The following JAK2 variants were observed in gnomAD, a reference collection of about 807,000 sequenced individuals.
The protein encoded by JAK2 is Janus kinase 2, also known as tyrosine-protein kinase JAK2.
Under a neutral mutation model 139.3 loss-of-function variants are expected in JAK2, and 86 were observed. The ratio of observed to expected loss-of-function variants is 0.62; its 90% CI spans 0.52 to 0.74. The LOEUF (loss-of-function observed/expected upper bound fraction) is 0.74. JAK2 is among the 30% of genes least tolerant of loss of function. The pLI is 0.00. For synonymous variants in JAK2, 490 were observed against 437.7 expected (o/e 1.12, Z -1.49); for missense variants, 1,421 against 1,360.3 (o/e 1.04, Z -0.70).
chr9:5,120,334 C>G (rs1389994416), intron 22 of JAK2, among the ~76,000 whole-genome samples: 1 of 152,204 alleles, frequency 6.6e-6, no homozygotes, highest in Admixed American at 6.5e-5. Flanking sequence ...ATTAACAACA[C>G]CTGAATTTTG....
intron 2 of JAK2, among the ~76,000 whole-genome samples, chr9:4,994,832 G>C (rs1820469495): frequency 6.6e-6 from 1 of 152,142 alleles, no homozygotes; most frequent in Non-Finnish European, 1.5e-5. Flanking sequence ...TCTGAGAGTT[G>C]TCTGTATTTG....
chr9:5,050,921 G>T, intron 6 of JAK2, 90 bp downstream of exon 6: 4 of 1,101,900 alleles, frequency 3.6e-6, no homozygotes, highest in South Asian at 2.8e-5. Context: ...CATGCCTTTT[G>T]ATTTTGTAAT....
chr9:5,062,745 T>C, intron 8 of JAK2, among the ~76,000 whole-genome samples: 1 of 152,110 alleles, frequency 6.6e-6, no homozygotes, highest in Admixed American at 6.5e-5. Flanking sequence ...GTTATCAATC[T>C]TTTAATTTTT....
At position 5,080,274 on chromosome 9, in the gene JAK2, A is replaced by G. The variant is rs758054771; in HGVS notation, c.2177A>G (p.Asn726Ser). The part of the protein sequence containing the change: ...IPWVPPECIE[N>S]PKNLNLATDK... ...TGGGTACCACCTGAATGCATTGAAA[A>G]TCCTAAAAATTTAAATTTGGCAACA... Residue 726 changes from asparagine (N) to serine (S), a missense_variant, in exon 17 of 25, where the codon AAT (asparagine) becomes AGT (serine). Transcript: ENST00000381652. The G allele has an allele frequency of 5.6e-6, 9 of 1,613,762 alleles. No individual in the cohort carries two copies. Among genetic ancestry groups the G allele is most frequent in the Non-Finnish European group, 7.6e-6 (9 of 1,179,736 alleles).
intron 22 of JAK2, among the ~76,000 whole-genome samples, chr9:5,103,221 C>CAAAAAAAAAAAAAAA (rs56691830): frequency 7.3e-4 from 5 of 6,872 alleles, no homozygotes; most frequent in East Asian, 3.6e-3. Context: ...AAAGGGAAAG[C>CAAAAAAAAAAAAAAA]AAAAAAAAAA....
chr9:5,101,850 C>T (rs1821517760), intron 22 of JAK2, among the ~76,000 whole-genome samples: 1 of 152,180 alleles, frequency 6.6e-6, no homozygotes. Flanking sequence ...AAAGGAATAG[C>T]ATCAACATCA....
In JAK2 at chr9:5,051,865, CTTGT is replaced by C. The variant is rs375551453; in HGVS notation, c.614+1037_614+1040del. On this transcript the variant is annotated intron_variant, in intron 6 of 24. Transcript: ENST00000381652. ...ATTTCTCTCTTTGGTTTTAAATATT[CTTGT>C]TTTACTTTCAGATGTCTGTTAGGTC... is the stretch of plus-strand genomic sequence containing the variant. 1.9e-4 allele frequency among the ~76,000 whole-genome samples: 29 copies of C among 151,932 alleles called. No individual in the cohort carries two copies. The East Asian group carries it at 5.6e-3, about 29-fold the overall frequency.
At chr9:5,085,048 C>G in intron 19 of JAK2, 1 of 766,102 alleles carries the variant, frequency 1.3e-6, no homozygotes, top group Non-Finnish European at 2.2e-6. Context: ...GCGTCTCTTT[C>G]TGGGGATGAG....
At chr9:5,039,424 C>G (rs1816321503) in intron 4 of JAK2, among the ~76,000 whole-genome samples, 2 of 152,006 alleles carry the variant, frequency 1.3e-5, no homozygotes, top group Non-Finnish European at 2.9e-5. Flanking sequence ...TTAAAGTATA[C>G]TGAAGGATGT....
chr9:5,007,094 T>G (rs1821354618), intron 2 of JAK2, among the ~76,000 whole-genome samples: 1 of 152,142 alleles, frequency 6.6e-6, no homozygotes, highest in Non-Finnish European at 1.5e-5. Context: ...ACTTTGCTTT[T>G]CTTTATTTTA....
chr9:5,059,177 A>G (rs1475592018), intron 8 of JAK2, among the ~76,000 whole-genome samples: 1 of 152,172 alleles, frequency 6.6e-6, no homozygotes, highest in Non-Finnish European at 1.5e-5. Context: ...ACCTCAAAAA[A>G]CAGAATAGTT....
At chr9:5,079,928 T>C (rs1046957240) in intron 16 of JAK2, among the ~76,000 whole-genome samples, 1 of 152,204 alleles carries the variant, frequency 6.6e-6, no homozygotes, top group Non-Finnish European at 1.5e-5. Context: ...GATTCAGAAC[T>C]CACTGTACAG....
chr9:5,114,726 G>A, intron 22 of JAK2: 1 of 376,240 alleles, frequency 2.7e-6, no homozygotes, highest in Admixed American at 3.3e-5. Flanking sequence ...ACAGAAAAAC[G>A]AGTTCATCTG....
chr9:5,072,369 A>G (rs1819012133), intron 12 of JAK2, 123 bp from the exon 13 acceptor site: 3 of 621,744 alleles, frequency 4.8e-6, no homozygotes, highest in Non-Finnish European at 7.8e-6. Flanking sequence ...ATCTGGATTT[A>G]GATTCTAAGG....
Position 5,089,744 on chromosome 9 carries a change from T to TA in JAK2, c.2648dup (p.Leu884AlafsTer4). The stretch of plus-strand genomic sequence containing the variant: ...GACAACACTGGGGAGGTGGTCGCTG[T>TA]AAAAAAGCTTCAGCATAGTACTGAA... On this transcript the variant is annotated frameshift_variant, in exon 20 of 25. Coordinates refer to ENST00000381652, the MANE Select transcript of JAK2 (RefSeq NM_004972.4). LOFTEE classifies it high-confidence loss of function. The TA allele has an allele frequency of 1.3e-6, 2 of 1,583,472 alleles. No homozygotes were observed. Among genetic ancestry groups the TA allele is most frequent in the South Asian group, 1.1e-5 (1 of 87,020 alleles).
rs1333841635 is a variant in JAK2 at position 5,081,582 on chromosome 9, A to C, written c.2435-143A>C. On this transcript the variant is annotated intron_variant, in intron 18 of 24. Transcript: ENST00000381652. The stretch of plus-strand genomic sequence containing the variant: ...TGGGTAATGATTAAAGGCTCCCATT[A>C]ATATAATTGAAACTATTTGAGTTTC... 5.0e-6 allele frequency: 3 copies of C among 597,166 alleles called. No individual in the cohort carries two copies. The East Asian group carries it at 8.3e-5, about 17-fold the overall frequency. The allele number at this position is 597,166 out of a possible 1,614,324, so 37.0% of individuals were successfully genotyped here. A position where few individuals can be genotyped will look rare whatever the true frequency, so the allele number is the denominator to read the frequency against.
chr9:5,004,339 A>G (rs147070267), intron 2 of JAK2, among the ~76,000 whole-genome samples: 1,574 of 152,180 alleles, frequency 0.01, 22 homozygotes, highest in African/African-American at 0.035. Flanking sequence ...CTCTGCTTCT[A>G]TGATTTCTAC....
intron 20 of JAK2, 77 bp from the exon 21 acceptor site, chr9:5,090,369 T>A: frequency 9.3e-7 from 1 of 1,070,964 alleles, no homozygotes; most frequent in Non-Finnish European, 1.3e-6. Context: ...TTAAGTCATT[T>A]ATGTATGATA....
intron 3 of JAK2, among the ~76,000 whole-genome samples, chr9:5,026,386 ATGT>A (rs1377751077): frequency 1.3e-5 from 2 of 152,254 alleles, no homozygotes; most frequent in Non-Finnish European, 2.9e-5. Context: ...CTGCTAAATA[ATGT>A]TATTATAAAT....
Sources: gnomAD v4.1 joint callset for allele counts (sites outside exome capture counted in the v4.1 genomes callset) on GRCh38, gnomAD v4.1.1 for gene constraint, MANE v1.5 for transcripts, NCBI Gene and HGNC (gene_info 2026-07-23, HGNC 2026-07-21) for gene names.